Variants in ATG3 observed in about 807,000 individuals in gnomAD.
ATG3 encodes the protein ubiquitin-like-conjugating enzyme ATG3.
A neutral mutation model predicts 50.7 loss-of-function variants in ATG3; 25 were observed. That is an observed-to-expected ratio of 0.49 (90% CI 0.36 to 0.69). The LOEUF (loss-of-function observed/expected upper bound fraction) is 0.69, where lower values mean the gene tolerates loss of function less well. Ranked by LOEUF, ATG3 falls within the 30% of genes least tolerant of loss-of-function variation. The pLI is 0.00. For missense variants in ATG3, 281 were observed against 376.0 expected (o/e 0.75, Z 2.09); for synonymous variants, 119 against 125.5 (o/e 0.95, Z 0.34).
intron 11 of ATG3, chr3:112,533,942 C>T (rs776367253): frequency 2.6e-5 from 28 of 1,084,390 alleles, no homozygotes; most frequent in Non-Finnish European, 3.0e-5. Flanking sequence ...TTTACTTTTA[C>T]CTGATGGGAA....
Position 112,541,871 on chromosome 3 carries a change from A to C in ATG3, c.407T>G (p.Leu136Arg), listed in dbSNP as rs1365954026. 1.2e-6 allele frequency: 2 copies of C among 1,611,042 alleles called. No homozygotes were observed. The highest frequency in any genetic ancestry group is 2.7e-5 in the African/African-American group (2 of 74,896). Residue 136 changes from leucine to arginine, a missense_variant, in exon 7 of 12, where the codon CTT (leucine) becomes CGT (arginine). By Grantham distance (102) the Leu-to-Arg change is moderately radical (BLOSUM62 -2). Around this residue, in one of 3 missense-constraint regions of ATG3, gnomAD observed 242 missense variants for 305.0 expected, o/e 0.79. Transcript: ENST00000283290. ...TTCACATAGTGCTGAGCAATCTTGA[A>C]GCCTTATATTGTCCTTTGAAATTAA... is the stretch of plus-strand genomic sequence containing the variant. ...ITLENKDNIR[L>R]QDCSALCEEE...
intron 5 of ATG3, among the ~76,000 whole-genome samples, chr3:112,546,495 T>C (rs1406281514): frequency 6.6e-6 from 1 of 152,220 alleles, no homozygotes; most frequent in Non-Finnish European, 1.5e-5. Flanking sequence ...TTTCTGGAAT[T>C]TGGCACTTAA....
intron 5 of ATG3, 61 bp from the exon 6 acceptor site, chr3:112,544,167 AT>A: frequency 2.3e-6 from 3 of 1,323,428 alleles, no homozygotes; most frequent in Non-Finnish European, 3.2e-6. Context: ...CTATTTACTT[AT>A]TAAAGCAATA....
rs1280739098 is a variant in ATG3 at position 112,558,233 on chromosome 3, A to G, written c.114+143T>C. On this transcript the variant is annotated intron_variant, in intron 2 of 11. Coordinates refer to ENST00000283290, the MANE Select transcript of ATG3 (RefSeq NM_022488.5). ...ACATCTTTTCTTCTATGGGAAGTAG[A>G]AATTCCCATAAATCACAGTCATAAA... The G allele has an allele frequency of 4.9e-6, 3 of 607,068 alleles. No individual in the cohort carries two copies. In the East Asian group the frequency reaches 8.5e-5, roughly 17 times the overall value. The allele number at this position is 607,068 out of a possible 1,614,324, so 37.6% of individuals were successfully genotyped here. A position where few individuals can be genotyped will look rare whatever the true frequency, so the allele number is the denominator to read the frequency against.
chr3:112,535,102 A>C (rs1244151410), intron 10 of ATG3: 1 of 152,158 alleles, frequency 6.6e-6, no homozygotes, highest in South Asian at 2.1e-4. Flanking sequence ...GTGATATCAA[A>C]GTTAGTATCT....
rs747263569 is a variant in ATG3, at chr3:112,548,644, TA to T, written c.236-5del. The T allele has an allele frequency of 6.7e-5, 107 of 1,590,408 alleles. No homozygotes were observed. Among genetic ancestry groups the T allele is most frequent in the African/African-American group, 3.5e-4 (26 of 74,534 alleles). ...TTGCACCGCTTATAGCACGGCACTA[TA>T]AAAAAAATGGTAAATACAGTTAACT... On this transcript the variant is annotated splice_region_variant and splice_polypyrimidine_tract_variant and intron_variant, in intron 4 of 11. Coordinates refer to ENST00000283290, the MANE Select transcript of ATG3 (RefSeq NM_022488.5).
In ATG3 at chr3:112,561,645, A is replaced by G; in HGVS notation, c.-117T>C. 2 of 1,075,540 alleles carry G rather than the reference A, an allele frequency of 1.9e-6. No homozygotes were observed. Among genetic ancestry groups the G allele is most frequent in the African/African-American group, 1.6e-5 (1 of 62,308 alleles). The allele number at this position is 1,075,540 out of a possible 1,614,324, so 66.6% of individuals were successfully genotyped here. A position where few individuals can be genotyped will look rare whatever the true frequency, so the allele number is the denominator to read the frequency against. On this transcript the variant is annotated 5_prime_UTR_variant, in exon 1 of 12. Transcript: ENST00000283290. ...CGACTCGCATCAGCACCCGGCTGGC[A>G]GCACCCGAGGGGACGGGACGCGACG...
Position 112,534,328 on chromosome 3 carries a change from C to G in ATG3, c.804G>C (p.Glu268Asp), listed in dbSNP as rs766838451. The change falls in exon 11 of 12, where the codon GAG (glutamate) becomes GAC (aspartate). Residue 268 changes from glutamate to aspartate, a missense_variant. By Grantham distance (45) the Glu-to-Asp change is conservative. Transcript: ENST00000283290. ...MCSVHPCRHA[E>D]VMKKIIETVA... ...CAGTCTCAATGATTTTCTTCATCACCTCAGCATGCCTAGAAGCCAAAAAAA... is the reference window on the plus strand; with the variant it reads ...CAGTCTCAATGATTTTCTTCATCACGTCAGCATGCCTAGAAGCCAAAAAAA... The G allele has an allele frequency of 9.8e-6, 15 of 1,538,054 alleles. No individual in the cohort carries two copies. In the East Asian group the frequency reaches 3.0e-4, roughly 31 times the overall value.
chr3:112,538,607 C>T (rs1933140832), intron 7 of ATG3, among the ~76,000 whole-genome samples: 1 of 152,178 alleles, frequency 6.6e-6, no homozygotes, highest in Admixed American at 6.5e-5. Flanking sequence ...GGCTTTCCTC[C>T]CTCATCACTG....
chr3:112,559,543 G>C (rs1052397850), intron 1 of ATG3, among the ~76,000 whole-genome samples: 1 of 152,226 alleles, frequency 6.6e-6, no homozygotes. Context: ...AATCTGTGGG[G>C]TGGCTGGGGA....
chr3:112,557,873 C>G (rs1933732625), intron 2 of ATG3, among the ~76,000 whole-genome samples: 1 of 151,942 alleles, frequency 6.6e-6, no homozygotes, highest in Admixed American at 6.5e-5. Flanking sequence ...CAACCTAAGT[C>G]TGATAAAACC....
At chr3:112,544,359 G>GA (rs1328917963) in intron 5 of ATG3, among the ~76,000 whole-genome samples, 1 of 152,052 alleles carries the variant, frequency 6.6e-6, no homozygotes, top group Non-Finnish European at 1.5e-5. Flanking sequence ...CACTTTCTGA[G>GA]AAACAGAACA....
At chr3:112,558,909 T>C (rs1428216218) in intron 1 of ATG3, among the ~76,000 whole-genome samples, 2 of 152,094 alleles carry the variant, frequency 1.3e-5, no homozygotes, top group Admixed American at 1.3e-4. Flanking sequence ...CGGCTAATTT[T>C]TGCATTTTTA....
rs72940046 is a variant in ATG3, at chr3:112,549,342, C to T, written c.236-702G>A. Among the ~76,000 whole-genome samples the T allele has an allele frequency of 8.7e-3, 1,323 of 152,116 alleles. 15 individuals carry two copies. The highest frequency in any genetic ancestry group is 0.03 in the African/African-American group (1,260 of 41,478). On this transcript the variant is annotated intron_variant, in intron 4 of 11. Coordinates refer to ENST00000283290, the MANE Select transcript of ATG3 (RefSeq NM_022488.5). ...AACAATCAGGATATAAATTATCAGC[C>T]TTTGTAAAAAGAAATATGCTGTAGA...
At chr3:112,560,333 T>A (rs1435816363) in intron 1 of ATG3, among the ~76,000 whole-genome samples, 2 of 152,218 alleles carry the variant, frequency 1.3e-5, no homozygotes, top group Admixed American at 6.5e-5. Context: ...ACTTTCACAG[T>A]AAACAAATGT....
chr3:112,541,726 A>T, intron 7 of ATG3, 77 bp downstream of exon 7: 1 of 1,284,900 alleles, frequency 7.8e-7, no homozygotes. Flanking sequence ...TCAATGAAGA[A>T]TTCTTAATCC....
intron 1 of ATG3, among the ~76,000 whole-genome samples, chr3:112,560,940 T>A (rs992339220): frequency 1.3e-5 from 2 of 152,180 alleles, no homozygotes; most frequent in Non-Finnish European, 2.9e-5. Flanking sequence ...TGAGATAATG[T>A]TGCCAATTTC....
Position 112,561,842 on chromosome 3 carries a change from G to A in ATG3, c.-314C>T, listed in dbSNP as rs780085988. On this transcript the variant is annotated 5_prime_UTR_variant, in exon 1 of 12. Coordinates refer to ENST00000283290, the MANE Select transcript of ATG3 (RefSeq NM_022488.5). ...CCTGAGGTGAGAAGCGGACGCACAC[G>A]CACCCCTCGCCCTCTGCGAGCTGTC... The A allele has an allele frequency of 1.6e-5, 6 of 370,790 alleles. No homozygotes were observed. Among genetic ancestry groups the A allele is most frequent in the Non-Finnish European group, 2.4e-5 (5 of 204,258 alleles). 23.0% of individuals were successfully genotyped at this position (370,790 alleles called of 1,614,324 possible).
At chr3:112,535,561 A>T (rs1399023856) in intron 10 of ATG3, 1 of 152,182 alleles carries the variant, frequency 6.6e-6, no homozygotes, top group Non-Finnish European at 1.5e-5. Context: ...ATTCAAAACT[A>T]AAACTAATGG....
Sources: gnomAD v4.1 joint callset for allele counts (sites outside exome capture counted in the v4.1 genomes callset) on GRCh38, gnomAD v4.1.1 for gene constraint, gnomAD v4.1.1 regional missense constraint, MANE v1.5 for transcripts, NCBI Gene and HGNC (gene_info 2026-07-23, HGNC 2026-07-21) for gene names.